Variants in CEACAM19 observed in about 807,000 individuals in gnomAD.
CEACAM19 encodes cell adhesion molecule CEACAM19.
In CEACAM19, 37 loss-of-function variants were observed where a neutral mutation model predicts 37.6. The observed-to-expected ratio is 0.98, with a 90% confidence interval of 0.76 to 1.29. The LOEUF (loss-of-function observed/expected upper bound fraction) is 1.29, where lower values mean the gene tolerates loss of function less well. CEACAM19 is among the 50% of genes most tolerant of loss of function. The probability of loss-of-function intolerance (pLI) is 0.00; values close to 1 mark genes in which losing one functional copy is unlikely to be tolerated. For synonymous variants in CEACAM19, 140 were observed against 149.8 expected (o/e 0.93, Z 0.48); for missense variants, 340 against 375.6 (o/e 0.91, Z 0.78).
In CEACAM19 at chr19:44,682,583, C is replaced by A; in HGVS notation, c.809C>A (p.Pro270Gln). ...INPARPLPTP[P>Q]HLQAEPENHQ... is the part of the protein sequence containing the mutation. ...CCCTTGCAGCCCCTGCCCACACCCC[C>A]ACACCTGCAGGCGGAGCCAGAGAAC... The change falls in exon 7 of 8, where the codon CCA (proline) becomes CAA (glutamine). Residue 270 changes from proline to glutamine, a missense_variant. Physicochemically the swap from Pro to Gln is moderately conservative, Grantham distance 76. Coordinates refer to ENST00000358777, the MANE Select transcript of CEACAM19 (RefSeq NM_001127893.3). The A allele has an allele frequency of 1.2e-6, 2 of 1,604,078 alleles. No homozygotes were observed.
chr19:44,668,171 G>A (rs1395179733), upstream of CEACAM19, among the ~76,000 whole-genome samples: 4 of 71,734 alleles, frequency 5.6e-5, no homozygotes, highest in African/African-American at 2.4e-4. Context: ...ATATTATATA[G>A]TATATTATAT....
chr19:44,669,520 A>C (rs1973821494), upstream of CEACAM19, among the ~76,000 whole-genome samples: 1 of 152,072 alleles, frequency 6.6e-6, no homozygotes, highest in East Asian at 1.9e-4. Flanking sequence ...TGATCCAACC[A>C]ACAGAGCACA....
chr19:44,677,334 T>C (rs1426341495), intron 3 of CEACAM19, among the ~76,000 whole-genome samples: 1 of 152,094 alleles, frequency 6.6e-6, no homozygotes, highest in Non-Finnish European at 1.5e-5. Flanking sequence ...ATTGAGAGTG[T>C]AGACCGGCTC....
intron 4 of CEACAM19, among the ~76,000 whole-genome samples, chr19:44,679,240 A>G (rs1974010425): frequency 6.6e-6 from 1 of 152,080 alleles, no homozygotes. Context: ...AAAGTCTCCT[A>G]CCTTGGTCTC....
chr19:44,672,706 G>A lies in CEACAM19; in HGVS notation c.166G>A (p.Val56Ile). Residue 56 changes from valine to isoleucine, a missense_variant, in exon 2 of 8, where the codon GTC (valine) becomes ATC (isoleucine). Val to Ile is a conservative substitution (Grantham distance 29, BLOSUM62 3). Coordinates refer to ENST00000358777, the MANE Select transcript of CEACAM19 (RefSeq NM_001127893.3). Reference sequence around the variant, plus strand: ...GGACCTTCTCCTGTCAGTCCAGGGTGTCCCAGACACCTTCCAGGACTTCAA... The same window carrying A: ...GGACCTTCTCCTGTCAGTCCAGGGTATCCCAGACACCTTCCAGGACTTCAA... ...NQDLLLSVQG[V>I]PDTFQDFNWY... 1.9e-6 allele frequency: 3 copies of A among 1,579,128 alleles called. No homozygotes were observed. The highest frequency in any genetic ancestry group is 2.6e-6 in the Non-Finnish European group (3 of 1,161,732).
At chr19:44,673,176 C>T (rs908955859) in intron 2 of CEACAM19, among the ~76,000 whole-genome samples, 1 of 152,238 alleles carries the variant, frequency 6.6e-6, no homozygotes, top group Non-Finnish European at 1.5e-5. Context: ...CCGCCTTGTG[C>T]CTGACACTGG....
intron 2 of CEACAM19, among the ~76,000 whole-genome samples, chr19:44,675,940 A>T (rs901960294): frequency 4.0e-5 from 6 of 149,804 alleles, no homozygotes; most frequent in Admixed American, 2.0e-4. Flanking sequence ...ACATGTTGAA[A>T]TTTTTTTTTT....
At chr19:44,683,076 C>A (rs890949739) in intron 7 of CEACAM19, 6 of 257,432 alleles carry the variant, frequency 2.3e-5, no homozygotes, top group African/African-American at 1.3e-4. Flanking sequence ...CTCTCTCTCT[C>A]TCTCTCTCAG....
At chr19:44,682,483 TC>T in intron 6 of CEACAM19, 83 bp from the exon 7 acceptor site, 1 of 1,384,498 alleles carries the variant, frequency 7.2e-7, no homozygotes, top group South Asian at 1.2e-5. Flanking sequence ...GGACTTGGAA[TC>T]TGAGACTGTC....
intron 7 of CEACAM19, chr19:44,682,887 G>A (rs949562875): frequency 4.7e-6 from 2 of 421,296 alleles, no homozygotes; most frequent in South Asian, 6.1e-5. Context: ...GGCCCAGAGA[G>A]GGACAGGGGA....
At position 44,680,977 on chromosome 19, in the gene CEACAM19, C is replaced by T. The variant is rs1488919105; in HGVS notation, c.707-250C>T. Among the ~76,000 whole-genome samples, 5 of 152,102 alleles carry T rather than the reference C, an allele frequency of 3.3e-5. No individual in the cohort carries two copies. The East Asian group carries it at 5.8e-4, about 18-fold the overall frequency. ...GGGCTCCCACCCGCCCCCAGTCCCCCGACTCCAGCCCTAAACACTCCAGGT... is the reference window on the plus strand; with the variant it reads ...GGGCTCCCACCCGCCCCCAGTCCCCTGACTCCAGCCCTAAACACTCCAGGT... On this transcript the variant is annotated intron_variant, in intron 5 of 7. Coordinates refer to ENST00000358777, the MANE Select transcript of CEACAM19 (RefSeq NM_001127893.3).
intron 6 of CEACAM19, among the ~76,000 whole-genome samples, chr19:44,681,930 C>CAA (rs59949356): frequency 3.8e-5 from 5 of 133,018 alleles, no homozygotes; most frequent in South Asian, 2.4e-4. Context: ...GACTCCATCC[C>CAA]AAAAAAAAAA....
upstream of CEACAM19, among the ~76,000 whole-genome samples, chr19:44,667,955 AATC>A (rs1973764171): frequency 1.2e-5 from 1 of 81,822 alleles, no homozygotes. Flanking sequence ...AAATTATATA[AATC>A]TATATAAATA....
rs746972084 is a variant in CEACAM19 at position 44,676,409 on chromosome 19, G to T, written c.563G>T (p.Gly188Val). The T allele has an allele frequency of 1.2e-6, 2 of 1,614,026 alleles. No homozygotes were observed. Among genetic ancestry groups the T allele is most frequent in the East Asian group, 2.2e-5 (1 of 44,874 alleles). Residue 188 changes from glycine (G) to valine (V), a missense_variant, in exon 3 of 8, where the codon GGC becomes GTC. Transcript: ENST00000358777. ...CTCCTGGTGACAAGGAACTGGAGGG[G>T]CCAGAGCCACAGGTACAGGGTCCCC... is the stretch of plus-strand genomic sequence containing the variant. ...AYLLVTRNWR[G>V]QSHRLPAPRG...
At chr19:44,681,990 T>G (rs1773964497) in intron 6 of CEACAM19, among the ~76,000 whole-genome samples, 1 of 150,746 alleles carries the variant, frequency 6.6e-6, no homozygotes. Flanking sequence ...GCATGATGGC[T>G]CTACACCTGT....
At chr19:44,669,112 G>T (rs1348378767), upstream of CEACAM19, among the ~76,000 whole-genome samples, 1 of 150,988 alleles carries the variant, frequency 6.6e-6, no homozygotes, top group Non-Finnish European at 1.5e-5. Flanking sequence ...GAGCCACCAC[G>T]CCTGGCCTAT....
chr19:44,672,895 A>G lies in CEACAM19; in HGVS notation c.355A>G (p.Thr119Ala). Residue 119 changes from threonine (T) to alanine (A), a missense_variant, in exon 2 of 8, where the codon ACC becomes GCC. Coordinates refer to ENST00000358777, the MANE Select transcript of CEACAM19 (RefSeq NM_001127893.3). ...LRRAQPTDSG[T>A]YQVAITINSE... The stretch of plus-strand genomic sequence containing the variant: ...CCGCGCCCAGCCTACAGACAGTGGC[A>G]CCTACCAAGTAGCCATTACCATCAA... The G allele has an allele frequency of 6.4e-7, 1 of 1,571,010 alleles. No homozygotes were observed. The highest frequency in any genetic ancestry group is 1.2e-5 in the South Asian group (1 of 85,174).
rs1156319128 is a variant in CEACAM19, at chr19:44,683,514, G to A, written c.*24G>A. The stretch of plus-strand genomic sequence containing the variant: ...GATGGGTCCTGGGCCAGGCCAGCCA[G>A]GGAGAAGACAAGGCCCCAGCCCTCC... On this transcript the variant is annotated 3_prime_UTR_variant, in exon 8 of 8. Coordinates refer to ENST00000358777, the MANE Select transcript of CEACAM19 (RefSeq NM_001127893.3). The A allele has an allele frequency of 1.3e-6, 2 of 1,495,074 alleles. No homozygotes were observed. Among genetic ancestry groups the A allele is most frequent in the African/African-American group, 1.4e-5 (1 of 71,710 alleles). The allele number at this position is 1,495,074 out of a possible 1,614,324, so 92.6% of individuals were successfully genotyped here. A position where few individuals can be genotyped will look rare whatever the true frequency, so the allele number is the denominator to read the frequency against.
At chr19:44,672,131 C>A in intron 1 of CEACAM19, 145 bp downstream of exon 1, 1 of 685,148 alleles carries the variant, frequency 1.5e-6, no homozygotes, top group Middle Eastern at 4.0e-4. Flanking sequence ...ATCACAGCCT[C>A]ATTGCCATTT....
Sources: gnomAD v4.1 joint callset for allele counts (sites outside exome capture counted in the v4.1 genomes callset) on GRCh38, gnomAD v4.1.1 for gene constraint, MANE v1.5 for transcripts, NCBI Gene and HGNC (gene_info 2026-07-23, HGNC 2026-07-21) for gene names.